BCL7C: variants seen among roughly 807,000 people sequenced by gnomAD.
BCL7C encodes the protein B-cell CLL/lymphoma 7 protein family member C.
Under a neutral mutation model 26.2 loss-of-function variants are expected in BCL7C, and 8 were observed. The ratio of observed to expected loss-of-function variants is 0.30; its 90% CI spans 0.18 to 0.55. BCL7C has a LOEUF of 0.55. Among genes scored for constraint, BCL7C ranks in the 20% least tolerant of loss-of-function variants. The pLI is 0.93. For synonymous variants in BCL7C, 90 were observed against 116.5 expected, an observed-to-expected ratio of 0.77 and a Z score of 1.47; for missense variants, 262 against 298.5, an observed-to-expected ratio of 0.88 and a Z score of 0.90.
intron 4 of BCL7C, among the ~76,000 whole-genome samples, chr16:30,890,812 C>T (rs1450451916): frequency 6.6e-6 from 1 of 151,948 alleles, no homozygotes; most frequent in African/African-American, 2.4e-5. Flanking sequence ...ATGGAGAAAC[C>T]TCGTCTCTAC....
intron 5 of BCL7C, chr16:30,835,194 C>G: frequency 5.0e-6 from 7 of 1,409,688 alleles, no homozygotes; most frequent in Non-Finnish European, 6.5e-6. Flanking sequence ...CTCTTCTCCC[C>G]ACCTCACTGA....
intron 5 of BCL7C, among the ~76,000 whole-genome samples, chr16:30,841,545 G>A (rs1027721011): frequency 3.3e-5 from 5 of 152,134 alleles, no homozygotes; most frequent in Admixed American, 3.3e-4. Context: ...CCTATTGTTC[G>A]AAGGATACAG....
In BCL7C at chr16:30,874,994, G is replaced by A. The variant is rs551474718; in HGVS notation, c.528+13866C>T. ...CCTCTGCCGACTGCGGCAACGCGAG[G>A]GACAGCTGGTCTCCGGGGTTGCAGC... On this transcript the variant is annotated intron_variant, in intron 5 of 5. Coordinates refer to the BCL7C transcript ENST00000380317. 3.9e-5 allele frequency among the ~76,000 whole-genome samples: 6 copies of A among 152,308 alleles called. No homozygotes were observed. In the South Asian group the frequency reaches 1.0e-3, roughly 26 times the overall value.
downstream of BCL7C, among the ~76,000 whole-genome samples, chr16:30,885,141 G>T (rs1387374745): frequency 2.6e-5 from 4 of 152,198 alleles, no homozygotes; most frequent in African/African-American, 4.8e-5. Flanking sequence ...TGAAACTAAG[G>T]ATTGTGAGAT....
intron 4 of BCL7C, among the ~76,000 whole-genome samples, chr16:30,890,688 A>G (rs1489777284): frequency 6.6e-6 from 1 of 151,964 alleles, no homozygotes; most frequent in African/African-American, 2.4e-5. Context: ...CATCTTTACT[A>G]AAAATACAAA....
At chr16:30,892,270 C>CAAAA (rs55772061) in intron 4 of BCL7C, among the ~76,000 whole-genome samples, 2 of 44,490 alleles carry the variant, frequency 4.5e-5, no homozygotes, top group African/African-American at 2.1e-4. Context: ...GACCCTTTCT[C>CAAAA]AAAAAAAAAA....
At chr16:30,886,910 C>T (rs577987079), downstream of BCL7C, among the ~76,000 whole-genome samples, 13 of 152,220 alleles carry the variant, frequency 8.5e-5, no homozygotes, top group Admixed American at 6.5e-5. Context: ...CGGTGGCTCA[C>T]GCCTGTAATC....
intron 5 of BCL7C, among the ~76,000 whole-genome samples, chr16:30,841,708 C>T (rs745526070): frequency 3.3e-5 from 5 of 151,710 alleles, no homozygotes; most frequent in Admixed American, 2.6e-4. Context: ...GTAATCCCAG[C>T]ACTTTGGGAG....
intron 5 of BCL7C, among the ~76,000 whole-genome samples, chr16:30,856,938 G>GT (rs34423959): frequency 1.3e-5 from 2 of 152,126 alleles, no homozygotes; most frequent in African/African-American, 4.8e-5. Flanking sequence ...TTCCTTTTAA[G>GT]TTTTTTTGTC....
At chr16:30,844,457 T>C (rs1418169230) in intron 5 of BCL7C, among the ~76,000 whole-genome samples, 2 of 151,906 alleles carry the variant, frequency 1.3e-5, no homozygotes, top group Non-Finnish European at 2.9e-5. Flanking sequence ...GCAGCTACAA[T>C]TGGAGTCACC....
chr16:30,881,778 A>T (rs1482822098), intron 5 of BCL7C, among the ~76,000 whole-genome samples: 1 of 149,764 alleles, frequency 6.7e-6, no homozygotes, highest in African/African-American at 2.5e-5. Context: ...TCTCTCCCTC[A>T]CCTCCTTCCA....
intron 5 of BCL7C, among the ~76,000 whole-genome samples, chr16:30,882,678 G>T (rs1433446649): frequency 6.6e-6 from 1 of 152,208 alleles, no homozygotes; most frequent in East Asian, 1.9e-4. Context: ...CCTGCAGGTA[G>T]TAAGGACAGG....
intron 5 of BCL7C, among the ~76,000 whole-genome samples, chr16:30,869,173 C>T (rs1430043362): frequency 6.6e-6 from 1 of 152,048 alleles, no homozygotes; most frequent in Non-Finnish European, 1.5e-5. Context: ...TCACTCGGGG[C>T]CTATCGCTTT....
chr16:30,843,027 A>G (rs1359542272), intron 5 of BCL7C, among the ~76,000 whole-genome samples: 1 of 152,228 alleles, frequency 6.6e-6, no homozygotes, highest in African/African-American at 2.4e-5. Context: ...CTTGTCACCA[A>G]TCCTGTTCTT....
At chr16:30,851,734 C>A in intron 5 of BCL7C, 1 of 603,918 alleles carries the variant, frequency 1.7e-6, no homozygotes, top group South Asian at 1.9e-5. Flanking sequence ...CAGCAGACCA[C>A]CAAACAGTGA....
chr16:30,861,857 CTTTTTTTTTTTTT>C (rs35135586), intron 5 of BCL7C, among the ~76,000 whole-genome samples: 4 of 68,834 alleles, frequency 5.8e-5, no homozygotes, highest in African/African-American at 2.4e-4. Context: ...GGACAACATG[CTTTTTTTTTTTTT>C]TTTTTTTTTT....
chr16:30,885,989 C>T (rs2143128815), downstream of BCL7C, among the ~76,000 whole-genome samples: 3 of 152,242 alleles, frequency 2.0e-5, no homozygotes, highest in South Asian at 6.2e-4. Flanking sequence ...GAAGCTTGGA[C>T]TACAGGCGCG....
At chr16:30,849,927 G>A (rs2054661138) in intron 5 of BCL7C, among the ~76,000 whole-genome samples, 1 of 152,060 alleles carries the variant, frequency 6.6e-6, no homozygotes, top group Non-Finnish European at 1.5e-5. Flanking sequence ...CTGGGCTGAA[G>A]AAATATGCCT....
chr16:30,843,567 C>CA lies in BCL7C; in HGVS notation c.529-8420dup, dbSNP rs201904791. Among the ~76,000 whole-genome samples the CA allele has an allele frequency of 1.7e-3, 237 of 140,248 alleles. 2 individuals are homozygous for CA. The East Asian group carries it at 0.033, about 19-fold the overall frequency. 92.0% of individuals were successfully genotyped at this position (140,248 alleles called of 152,430 possible). A position where few individuals can be genotyped will look rare whatever the true frequency, so the allele number is the denominator to read the frequency against. On this transcript the variant is annotated intron_variant, in intron 5 of 5. Coordinates refer to the BCL7C transcript ENST00000380317. ...CAGAGTGAGACCCTGACTCAAAAAA[C>CA]AAAAAAAAAAAGTTGGTGTGAAGGA...
Sources: allele counts gnomAD v4.1 joint callset (sites outside exome capture counted in the v4.1 genomes callset), GRCh38; gene constraint gnomAD v4.1.1; transcripts MANE v1.5; gene names NCBI Gene and HGNC (gene_info 2026-07-23, HGNC 2026-07-21).